ARHGAP15: variants seen among roughly 807,000 people sequenced by gnomAD.
The protein encoded by ARHGAP15 is rho GTPase-activating protein 15.
Under a neutral mutation model 63.7 loss-of-function variants are expected in ARHGAP15, and 51 were observed. The ratio of observed to expected loss-of-function variants is 0.80; its 90% CI spans 0.64 to 1.01. The LOEUF is 1.01. Among genes scored for constraint, ARHGAP15 ranks in the 50% least tolerant of loss-of-function variants. ARHGAP15 has a pLI of 0.00. For missense variants in ARHGAP15, 560 were observed against 564.6 expected, an observed-to-expected ratio of 0.99 and a Z score of 0.08; for synonymous variants, 191 against 193.8, an observed-to-expected ratio of 0.99 and a Z score of 0.12.
intron 5 of ARHGAP15, 82 bp downstream of exon 5, chr2:143,228,750 A>G: frequency 2.0e-6 from 2 of 990,352 alleles, no homozygotes; most frequent in South Asian, 2.1e-5. Context: ...CAGAAATCAC[A>G]CTAAAACCTC....
intron 11 of ARHGAP15, among the ~76,000 whole-genome samples, chr2:143,606,070 AGC>A (rs1553511445): frequency 2.1e-4 from 9 of 42,268 alleles, no homozygotes; most frequent in East Asian, 1.6e-3. Flanking sequence ...AAAAAAAAAA[AGC>A]CATACATCTG....
chr2:143,756,323 T>C (rs1686574940), intron 13 of ARHGAP15, among the ~76,000 whole-genome samples: 1 of 152,236 alleles, frequency 6.6e-6, no homozygotes, highest in Non-Finnish European at 1.5e-5. Context: ...GCTTAATTAA[T>C]GCTGATCCAT....
At chr2:143,609,074 G>A (rs920167984) in intron 11 of ARHGAP15, among the ~76,000 whole-genome samples, 9 of 152,170 alleles carry the variant, frequency 5.9e-5, no homozygotes, top group Admixed American at 5.2e-4. Context: ...CACAATTTCA[G>A]TATTCTTCTG....
intron 11 of ARHGAP15, among the ~76,000 whole-genome samples, chr2:143,566,510 A>G (rs1457756414): frequency 6.6e-6 from 1 of 152,078 alleles, no homozygotes; most frequent in African/African-American, 2.4e-5. Flanking sequence ...AACCCTGGTG[A>G]TGGGTTCAAT....
At chr2:143,155,419 G>A in intron 1 of ARHGAP15, 58 bp from the exon 2 acceptor site, 1 of 1,412,412 alleles carries the variant, frequency 7.1e-7, no homozygotes. Context: ...ACTCCATCAA[G>A]AGTTTTCATG....
chr2:143,550,971 T>A (rs1695536481), intron 10 of ARHGAP15, among the ~76,000 whole-genome samples: 2 of 152,110 alleles, frequency 1.3e-5, no homozygotes, highest in South Asian at 4.1e-4. Context: ...TAATTTGATA[T>A]GCTAAGATAT....
intron 12 of ARHGAP15, among the ~76,000 whole-genome samples, chr2:143,625,158 C>T (rs1473260896): frequency 2.0e-5 from 3 of 152,074 alleles, no homozygotes; most frequent in Admixed American, 6.6e-5. Context: ...AAATTAAAAA[C>T]CTTGCAAGCC....
intron 2 of ARHGAP15, among the ~76,000 whole-genome samples, chr2:143,186,886 G>C (rs1691470253): frequency 6.6e-6 from 1 of 152,186 alleles, no homozygotes; most frequent in African/African-American, 2.4e-5. Context: ...TAGTGAGAGA[G>C]TTATTTTTAA....
intron 13 of ARHGAP15, among the ~76,000 whole-genome samples, chr2:143,729,301 C>T (rs1202158266): frequency 6.6e-6 from 1 of 152,164 alleles, no homozygotes; most frequent in Non-Finnish European, 1.5e-5. Flanking sequence ...TTAAGCAATG[C>T]AGGAAGTAGA....
chr2:143,429,476 G>T (rs1433685431), intron 6 of ARHGAP15, among the ~76,000 whole-genome samples: 2 of 152,050 alleles, frequency 1.3e-5, no homozygotes, highest in Non-Finnish European at 2.9e-5. Flanking sequence ...TGTACTGGAG[G>T]TCTGTCATGT....
chr2:143,567,090 T>C (rs1182999204), intron 11 of ARHGAP15, among the ~76,000 whole-genome samples: 1 of 152,076 alleles, frequency 6.6e-6, no homozygotes, highest in Admixed American at 6.5e-5. Context: ...TTAGCCAGGA[T>C]GGTCTCGATC....
At chr2:143,295,898 G>C (rs1682612337) in intron 6 of ARHGAP15, among the ~76,000 whole-genome samples, 1 of 151,940 alleles carries the variant, frequency 6.6e-6, no homozygotes, top group Non-Finnish European at 1.5e-5. Flanking sequence ...ACAAAGGCTG[G>C]GGAGGGATTT....
intron 12 of ARHGAP15, among the ~76,000 whole-genome samples, chr2:143,653,546 T>G (rs1681280291): frequency 6.6e-6 from 1 of 152,180 alleles, no homozygotes; most frequent in Admixed American, 6.5e-5. Context: ...TTTCTTATCA[T>G]TCTTTTATTG....
At chr2:143,410,812 GTTTT>G (rs35149088) in intron 6 of ARHGAP15, among the ~76,000 whole-genome samples, 1 of 139,308 alleles carries the variant, frequency 7.2e-6, no homozygotes. Context: ...GGAGGTGAAG[GTTTT>G]TTTTTTTTTT....
chr2:143,624,207 C>T lies in ARHGAP15; in HGVS notation c.1078C>T (p.Arg360Trp), dbSNP rs988575705. The T allele has an allele frequency of 1.7e-5, 28 of 1,613,468 alleles. No homozygotes were observed. Among genetic ancestry groups the T allele is most frequent in the Non-Finnish European group, 2.2e-5 (26 of 1,179,732 alleles). Residue 360 changes from arginine to tryptophan, a missense_variant, in exon 12 of 14, where the codon CGG becomes TGG. Coordinates refer to ENST00000295095, the MANE Select transcript of ARHGAP15 (RefSeq NM_018460.4). ...VVTGALKMFFRELPEPLFPYS... is the reference protein window; with the variant it reads ...VVTGALKMFFWELPEPLFPYS... ...CACCGGAGCACTGAAGATGTTTTTC[C>T]GGGAGCTGCCTGAGCCGCTCTTCCC... is the stretch of plus-strand genomic sequence containing the variant.
chr2:143,675,242 T>A (rs1235079476), intron 12 of ARHGAP15, among the ~76,000 whole-genome samples: 1 of 152,208 alleles, frequency 6.6e-6, no homozygotes, highest in Non-Finnish European at 1.5e-5. Flanking sequence ...ACTTCTAGTT[T>A]TAGTTCTCTT....
At chr2:143,187,494 T>A (rs1691498244) in intron 2 of ARHGAP15, among the ~76,000 whole-genome samples, 1 of 152,216 alleles carries the variant, frequency 6.6e-6, no homozygotes, top group Admixed American at 6.5e-5. Context: ...TATTTCACAC[T>A]GCCCTTGAAG....
chr2:143,743,953 A>G (rs993873159), intron 13 of ARHGAP15, among the ~76,000 whole-genome samples: 2 of 152,244 alleles, frequency 1.3e-5, no homozygotes. Flanking sequence ...AAAATGCCAT[A>G]AAGGACAATA....
rs35790368 is a variant in ARHGAP15 at position 143,511,568 on chromosome 2, T to TTTTGTTTG, written c.827-7678_827-7671dup. 4.0e-3 allele frequency among the ~76,000 whole-genome samples: 604 copies of TTTTGTTTG among 150,674 alleles called. 4 individuals are homozygous for TTTTGTTTG. Among genetic ancestry groups the TTTTGTTTG allele is most frequent in the Middle Eastern group, 0.01 (3 of 292 alleles). ...AGCTCAGGGTTTTGGAAGTGTTCTT[T>TTTTGTTTG]TTTGTTTGTTTGTTTGTTTGTTTGT... On this transcript the variant is annotated intron_variant, in intron 9 of 13. Coordinates refer to ENST00000295095, the MANE Select transcript of ARHGAP15 (RefSeq NM_018460.4).
Sources: gnomAD v4.1 joint callset for allele counts (sites outside exome capture counted in the v4.1 genomes callset) on GRCh38, gnomAD v4.1.1 for gene constraint, MANE v1.5 for transcripts, NCBI Gene and HGNC (gene_info 2026-07-23, HGNC 2026-07-21) for gene names.